The following ADAM8 variants were observed in gnomAD, a reference collection of about 807,000 sequenced individuals.
ADAM8 encodes the protein ADAM metallopeptidase domain 8, also known as disintegrin and metalloproteinase domain-containing protein 8.
In ADAM8, 104 loss-of-function variants were observed where a neutral mutation model predicts 102.4. The ratio of observed to expected loss-of-function variants is 1.02; its 90% confidence interval spans 0.87 to 1.20. The LOEUF is 1.20. Among genes scored for constraint, ADAM8 ranks in the 50% most tolerant of loss-of-function variants. The probability of loss-of-function intolerance (pLI) is 0.00; values close to 1 mark genes in which losing one functional copy is unlikely to be tolerated. For missense variants in ADAM8, 1,132 were observed against 1,159.0 expected (o/e 0.98, Z 0.34); for synonymous variants, 517 against 485.2 (o/e 1.07, Z -0.86).
At position 133,271,579 on chromosome 10, in the gene ADAM8, A is replaced by T. The variant is rs1384619150; in HGVS notation, c.1233T>A (p.Cys411Ter). The T allele has an allele frequency of 2.4e-5, 37 of 1,558,988 alleles. No individual in the cohort carries two copies. Among genetic ancestry groups the T allele is most frequent in the Non-Finnish European group, 2.9e-5 (33 of 1,151,688 alleles). ...DLSHLVGGPV[C>*]GNLFVERGEQ... ...CCCCACGCTCCACAAACAGGTTCCC[A>T]CACACGGGGCCGCCCACCAGGTGGC... is the stretch of plus-strand genomic sequence containing the variant. Residue 411 changes from cysteine (C) to a stop codon, truncating the protein, a stop_gained, in exon 12 of 23, where the codon TGT becomes TGA. Transcript: ENST00000445355. LOFTEE classifies it high-confidence loss of function.
chr10:133,267,980 C>G lies in ADAM8; in HGVS notation c.2202G>C (p.Gln734His). ...CCGAGGAGGCCGGGTGTCGGGCGGG[C>G]TGGCCCGGGTGGGTGGTGGGGACCA... is the stretch of plus-strand genomic sequence containing the variant. Reference protein sequence around the residue: ...QELVPTTHPGQPARHPASSVA... With the variant: ...QELVPTTHPGHPARHPASSVA... The change falls in exon 20 of 23, where the codon CAG becomes CAC. Residue 734 changes from glutamine to histidine, a missense_variant. Transcript: ENST00000445355. The G allele has an allele frequency of 7.9e-7, 1 of 1,261,204 alleles. No individual in the cohort carries two copies. Among genetic ancestry groups the G allele is most frequent in the Non-Finnish European group, 1.0e-6 (1 of 996,452 alleles). The allele number at this position is 1,261,204 out of a possible 1,614,324, so 78.1% of individuals were successfully genotyped here.
chr10:133,274,268 G>A (rs1846660135), intron 2 of ADAM8, 33 bp from the exon 3 acceptor site: 2 of 1,504,532 alleles, frequency 1.3e-6, no homozygotes, highest in South Asian at 2.7e-5. Context: ...CAGGTGAGCA[G>A]CCTGCCCGGG....
intron 14 of ADAM8, 35 bp downstream of exon 14, chr10:133,270,846 G>T: frequency 1.2e-6 from 2 of 1,610,390 alleles, no homozygotes; most frequent in Non-Finnish European, 1.7e-6. Flanking sequence ...AAGGCCTGCA[G>T]CCACCCTGCC....
rs765395197 is a variant in ADAM8, at chr10:133,268,839, C to G, written c.1972G>C (p.Val658Leu). ...HAASGSLPVF[V>L]VVVLVLLAVV... The stretch of plus-strand genomic sequence containing the variant: ...GCCAGGAGCACCAGAACCACCACCA[C>G]GAAGACGGGGAGGCTCCCGGACGCT... The change falls in exon 19 of 23, where the codon GTG (valine) becomes CTG (leucine). Residue 658 changes from valine (V) to leucine (L), a missense_variant. Physicochemically the swap from Val to Leu is conservative, Grantham distance 32. Transcript: ENST00000445355. 2 of 1,609,626 alleles carry G rather than the reference C, an allele frequency of 1.2e-6. No individual in the cohort carries two copies. Among genetic ancestry groups the G allele is most frequent in the East Asian group, 4.5e-5 (2 of 44,878 alleles).
intron 21 of ADAM8, 93 bp downstream of exon 21, chr10:133,267,259 T>C: frequency 7.3e-7 from 1 of 1,372,822 alleles, no homozygotes; most frequent in Non-Finnish European, 1.0e-6. Context: ...CACCTGGGGA[T>C]CCCTGGCCCC....
intron 10 of ADAM8, 117 bp from the exon 11 acceptor site, chr10:133,272,071 A>C (rs1846548962): frequency 3.9e-5 from 60 of 1,525,694 alleles, no homozygotes; most frequent in Non-Finnish European, 5.2e-5. Flanking sequence ...CTTAAAACAT[A>C]AAATCAGGCA....
chr10:133,270,251 G>T, intron 16 of ADAM8, 109 bp downstream of exon 16: 2 of 1,406,666 alleles, frequency 1.4e-6, no homozygotes, highest in Non-Finnish European at 9.6e-7. Context: ...AGAGAACTCT[G>T]TTCCCATGGC....
In ADAM8 at chr10:133,273,388, C is replaced by T; in HGVS notation, c.439G>A (p.Gly147Ser). 1 of 1,550,410 alleles carries T rather than the reference C, an allele frequency of 6.4e-7. No homozygotes were observed. Among genetic ancestry groups the T allele is most frequent in the African/African-American group, 1.4e-5 (1 of 73,236 alleles). Residue 147 changes from glycine to serine, a missense_variant, in exon 6 of 23, where the codon GGC (glycine) becomes AGC (serine). Coordinates refer to ENST00000445355, the MANE Select transcript of ADAM8 (RefSeq NM_001109.5). ...LHLIEPLDEG[G>S]EGGRHAVYQA... ...TACACGGCGTGCCGTCCGCCCTCGC[C>T]ACCTTCATCCAGGGGCTCGATCAGG... is the stretch of plus-strand genomic sequence containing the variant.
intron 13 of ADAM8, 50 bp downstream of exon 13, chr10:133,271,150 C>CGA (rs765950752): frequency 1.3e-6 from 2 of 1,595,420 alleles, no homozygotes; most frequent in Non-Finnish European, 1.7e-6. Flanking sequence ...GGTCCCTTCC[C>CGA]ACCTGCCAGC....
intron 20 of ADAM8, among the ~76,000 whole-genome samples, 181 bp from the exon 21 acceptor site, chr10:133,267,598 C>T (rs751204241): frequency 2.6e-5 from 4 of 152,232 alleles, no homozygotes; most frequent in Admixed American, 2.0e-4. Context: ...CGTGTGATCC[C>T]GAGCTGGGGG....
At position 133,263,608 on chromosome 10, in the gene ADAM8, C is replaced by A; in HGVS notation, c.2397+80G>T. ...CAGAAAAAAACCCCACCCTCCAGGG[C>A]AGTGCCACCGTCAGCCCCGTGGGGA... is the stretch of plus-strand genomic sequence containing the variant. On this transcript the variant is annotated intron_variant, in intron 22 of 22. Transcript: ENST00000445355. The A allele has an allele frequency of 2.1e-6, 3 of 1,415,878 alleles. No individual in the cohort carries two copies. In the South Asian group the frequency reaches 4.2e-5, roughly 20 times the overall value. 87.7% of individuals were successfully genotyped at this position (1,415,878 alleles called of 1,614,324 possible). A position where few individuals can be genotyped will look rare whatever the true frequency, so the allele number is the denominator to read the frequency against.
intron 22 of ADAM8, 46 bp downstream of exon 22, chr10:133,263,642 C>CACTGTCAGCCCCGTGGGGAGGCCGTGCT (rs59673054): frequency 8.8e-6 from 13 of 1,481,926 alleles, no homozygotes; most frequent in Admixed American, 4.7e-5. Context: ...GAGGCCGTGC[C>CACTGTCAGCCCCGTGGGGAGGCCGTGCT]GTCCATTGCA....
At position 133,270,748 on chromosome 10, in the gene ADAM8, GCCTT is replaced by G. The variant is rs761811967; in HGVS notation, c.1618_1621del (p.Lys540ProfsTer104). 1.9e-6 allele frequency: 3 copies of G among 1,606,138 alleles called. No homozygotes were observed. The highest frequency in any genetic ancestry group is 2.6e-6 in the Non-Finnish European group (3 of 1,176,254). ...GGTCTCAGCTCACCTGTACCGGCTG[GCCTT>G]GCAGCCTGGTAGGATGTCATAGGAG... On this transcript the variant is annotated frameshift_variant, in exon 15 of 23. Transcript: ENST00000445355. LOFTEE classifies it high-confidence loss of function.
At chr10:133,269,834 G>A (rs1478444996) in intron 17 of ADAM8, 63 bp downstream of exon 17, 13 of 1,567,080 alleles carry the variant, frequency 8.3e-6, no homozygotes, top group Non-Finnish European at 1.1e-5. Flanking sequence ...GCTGTCCCCA[G>A]CACCGGCTCC....
chr10:133,275,237 C>T (rs2275724), intron 2 of ADAM8, among the ~76,000 whole-genome samples: 100,832 of 152,056 alleles, frequency 0.66, 37,247 homozygotes, highest in East Asian at 0.92. Context: ...GGGAGGGGCC[C>T]GGGGCCAGCA....
chr10:133,270,291 T>A, intron 16 of ADAM8, 69 bp downstream of exon 16: 2 of 1,530,926 alleles, frequency 1.3e-6, no homozygotes, highest in Non-Finnish European at 1.8e-6. Context: ...CAGAAACGCA[T>A]CTGCACCCAC....
Position 133,263,244 on chromosome 10 carries a change from G to A in ADAM8, c.2398-11C>T, listed in dbSNP as rs773173731. ...TGGGCCAACAGCACCCTGGGAGGAGGAAAAGATAATTGATGTTGAAAAACT... is the reference window on the plus strand; with the variant it reads ...TGGGCCAACAGCACCCTGGGAGGAGAAAAAGATAATTGATGTTGAAAAACT... On this transcript the variant is annotated splice_polypyrimidine_tract_variant and intron_variant, in intron 22 of 22. Coordinates refer to ENST00000445355, the MANE Select transcript of ADAM8 (RefSeq NM_001109.5). The A allele has an allele frequency of 1.3e-6, 2 of 1,591,654 alleles. No individual in the cohort carries two copies. The highest frequency in any genetic ancestry group is 1.4e-5 in the African/African-American group (1 of 73,996).
At position 133,276,694 on chromosome 10, in the gene ADAM8, C is replaced by G. The variant is rs1053741532; in HGVS notation, c.46+78G>C. 5 of 1,503,078 alleles carry G rather than the reference C, an allele frequency of 3.3e-6. No homozygotes were observed. In the Admixed American group the frequency reaches 1.0e-4, roughly 31 times the overall value. The allele number at this position is 1,503,078 out of a possible 1,614,324, so 93.1% of individuals were successfully genotyped here. A position where few individuals can be genotyped will look rare whatever the true frequency, so the allele number is the denominator to read the frequency against. ...GCGGGGTGCGAGCAGGCCAGGGGCT[C>G]GGGGTCCGCGTCGCGTCCTGCGGGG... is the stretch of plus-strand genomic sequence containing the variant. On this transcript the variant is annotated intron_variant, in intron 1 of 22. Transcript: ENST00000445355.
intron 15 of ADAM8, 89 bp downstream of exon 15, chr10:133,270,647 G>T: frequency 6.5e-7 from 1 of 1,538,658 alleles, no homozygotes; most frequent in Non-Finnish European, 8.8e-7. Flanking sequence ...AGACCCTCAT[G>T]GGAGCAGGAC....
Sources: allele counts gnomAD v4.1 joint callset (sites outside exome capture counted in the v4.1 genomes callset), GRCh38; gene constraint gnomAD v4.1.1; transcripts MANE v1.5; gene names NCBI Gene and HGNC (gene_info 2026-07-23, HGNC 2026-07-21).